The following NRXN1 variants were observed in gnomAD, a reference collection of about 807,000 sequenced individuals.
NRXN1 encodes the protein neurexin 1, also known as neurexin-1.
Under a neutral mutation model 150.9 loss-of-function variants are expected in NRXN1, and 39 were observed. The ratio of observed to expected loss-of-function variants is 0.26; its 90% confidence interval spans 0.20 to 0.34. NRXN1 has a LOEUF of 0.34. NRXN1 is among the 10% of genes least tolerant of loss of function. NRXN1 has a pLI of 1.00. For synonymous variants in NRXN1, 924 were observed against 757.0 expected, an observed-to-expected ratio of 1.22 and a Z score of -3.62; for missense variants, 1,815 against 1,949.9, an observed-to-expected ratio of 0.93 and a Z score of 1.30.
At chr2:50,337,996 G>C (rs2077300939) in intron 17 of NRXN1, among the ~76,000 whole-genome samples, 1 of 152,148 alleles carries the variant, frequency 6.6e-6, no homozygotes, top group Non-Finnish European at 1.5e-5. Flanking sequence ...TCCACTTTTA[G>C]TTATGGCACA....
At chr2:50,948,054 T>C (rs571788043) in intron 2 of NRXN1, among the ~76,000 whole-genome samples, 14 of 152,098 alleles carry the variant, frequency 9.2e-5, no homozygotes, top group African/African-American at 3.4e-4. Flanking sequence ...TATTTTAAAA[T>C]ATATTAATAT....
intron 12 of NRXN1, among the ~76,000 whole-genome samples, chr2:50,527,376 A>G (rs534302083): frequency 6.6e-6 from 1 of 152,254 alleles, no homozygotes; most frequent in African/African-American, 2.4e-5. Flanking sequence ...GTTGGAGAGG[A>G]GATTACATAT....
chr2:50,023,306 TTC>T (rs1269657580), intron 21 of NRXN1: 1 of 152,182 alleles, frequency 6.6e-6, no homozygotes, highest in African/African-American at 2.4e-5. Flanking sequence ...CCTCCATCAC[TTC>T]TCTTTTTCAA....
chr2:50,320,482 A>T (rs868062130), intron 17 of NRXN1, among the ~76,000 whole-genome samples: 70 of 151,818 alleles, frequency 4.6e-4, no homozygotes, highest in African/African-American at 1.6e-3. Flanking sequence ...TTTCATTTCT[A>T]TATGTTAATA....
intron 17 of NRXN1, among the ~76,000 whole-genome samples, chr2:50,276,897 G>A (rs1237145922): frequency 6.6e-6 from 1 of 152,050 alleles, no homozygotes; most frequent in Non-Finnish European, 1.5e-5. Flanking sequence ...TATAAATGAG[G>A]TCTCTTTGGC....
intron 5 of NRXN1, among the ~76,000 whole-genome samples, chr2:50,680,877 T>G (rs1690278699): frequency 6.6e-6 from 1 of 152,120 alleles, no homozygotes; most frequent in African/African-American, 2.4e-5. Flanking sequence ...GACACTCTCA[T>G]TTATCTCCCA....
intron 17 of NRXN1, among the ~76,000 whole-genome samples, chr2:50,383,110 T>G (rs1204063660): frequency 6.6e-6 from 1 of 152,186 alleles, no homozygotes; most frequent in African/African-American, 2.4e-5. Context: ...AATCAGGTTG[T>G]GCAGAATGAA....
At chr2:50,984,453 T>A (rs1026137188) in intron 2 of NRXN1, among the ~76,000 whole-genome samples, 11 of 151,968 alleles carry the variant, frequency 7.2e-5, no homozygotes, top group Non-Finnish European at 1.2e-4. Flanking sequence ...AGTTTGCCAA[T>A]CTCCATTTTA....
chr2:50,819,052 T>C (rs1669329960), intron 5 of NRXN1, among the ~76,000 whole-genome samples: 1 of 152,108 alleles, frequency 6.6e-6, no homozygotes, highest in Non-Finnish European at 1.5e-5. Flanking sequence ...GGGAAGACAT[T>C]GGAACCCTTG....
intron 5 of NRXN1, among the ~76,000 whole-genome samples, chr2:50,652,040 T>C (rs1045796906): frequency 2.0e-5 from 3 of 152,062 alleles, no homozygotes; most frequent in African/African-American, 7.2e-5. Flanking sequence ...CAGGCTGGGC[T>C]AGCAGCAGAA....
intron 5 of NRXN1, among the ~76,000 whole-genome samples, chr2:50,836,907 T>C (rs1167477094): frequency 6.6e-6 from 1 of 150,742 alleles, no homozygotes; most frequent in Non-Finnish European, 1.5e-5. Flanking sequence ...AATTGGTTTG[T>C]GTAAATTAAA....
intron 17 of NRXN1, among the ~76,000 whole-genome samples, chr2:50,249,148 C>T (rs1186775816): frequency 7.9e-6 from 1 of 125,818 alleles, no homozygotes; most frequent in Non-Finnish European, 1.7e-5. Flanking sequence ...CAAAGTGAGA[C>T]CCTTTCTTAA....
At chr2:49,974,889 G>A (rs1678680797) in intron 21 of NRXN1, among the ~76,000 whole-genome samples, 1 of 151,316 alleles carries the variant, frequency 6.6e-6, no homozygotes, top group South Asian at 2.1e-4. Context: ...AAAGCCTGAA[G>A]AACAAATGTA....
chr2:50,047,331 A>G (rs914732218), intron 21 of NRXN1, among the ~76,000 whole-genome samples: 5 of 152,058 alleles, frequency 3.3e-5, no homozygotes, highest in African/African-American at 1.2e-4. Flanking sequence ...ACATATATAT[A>G]TATGTCTGAG....
At chr2:50,549,279 G>A (rs1016431035) in intron 9 of NRXN1, among the ~76,000 whole-genome samples, 1 of 151,912 alleles carries the variant, frequency 6.6e-6, no homozygotes, top group African/African-American at 2.4e-5. Flanking sequence ...TGCAAATATG[G>A]AACTTAATTA....
At chr2:50,841,086 T>C (rs896094079) in intron 5 of NRXN1, 5 of 152,632 alleles carry the variant, frequency 3.3e-5, no homozygotes, top group Non-Finnish European at 5.9e-5. Context: ...ATAACTTCTA[T>C]GCTCATTTAG....
chr2:50,425,608 A>G lies in NRXN1; in HGVS notation c.3364+39834T>C, dbSNP rs577519252. On this transcript the variant is annotated intron_variant, in intron 17 of 22. Coordinates refer to ENST00000401669, the MANE Select transcript of NRXN1 (RefSeq NM_001330078.2). ...ATCTTGATCTTTGTAAATTAAGATC[A>G]AGTATATAATGTTGAACCCTAAATG... 2.6e-5 allele frequency among the ~76,000 whole-genome samples: 4 copies of G among 152,334 alleles called. No homozygotes were observed. The South Asian group carries it at 8.3e-4, about 32-fold the overall frequency.
intron 17 of NRXN1, among the ~76,000 whole-genome samples, chr2:50,442,609 C>A (rs1160615281): frequency 6.6e-6 from 1 of 152,074 alleles, no homozygotes; most frequent in African/African-American, 2.4e-5. Context: ...ATGTTAAGTA[C>A]AATTTTGCAT....
intron 17 of NRXN1, among the ~76,000 whole-genome samples, chr2:50,273,529 G>C (rs1445425214): frequency 6.6e-6 from 1 of 152,030 alleles, no homozygotes; most frequent in African/African-American, 2.4e-5. Context: ...TAACTTTAAT[G>C]TGCAAATCTC....
Sources: allele counts gnomAD v4.1 joint callset (sites outside exome capture counted in the v4.1 genomes callset), GRCh38; gene constraint gnomAD v4.1.1; transcripts MANE v1.5; gene names NCBI Gene and HGNC (gene_info 2026-07-23, HGNC 2026-07-21).